Variants in GAS7 observed in about 807,000 individuals in gnomAD.
The protein encoded by GAS7 is growth arrest-specific protein 7.
Under a neutral mutation model 71.1 loss-of-function variants are expected in GAS7, and 28 were observed. The ratio of observed to expected loss-of-function variants is 0.39; its 90% CI spans 0.29 to 0.54. The LOEUF (loss-of-function observed/expected upper bound fraction) is 0.54. GAS7 is among the 20% of genes least tolerant of loss of function. The pLI is 0.62. For synonymous variants in GAS7, 258 were observed against 245.8 expected, an observed-to-expected ratio of 1.05 and a Z score of -0.46; for missense variants, 436 against 627.8, an observed-to-expected ratio of 0.69 and a Z score of 3.27.
Position 9,959,589 on chromosome 17 carries a change from G to A in GAS7, c.472-334C>T, listed in dbSNP as rs1471188323. 19 of 601,186 alleles carry A rather than the reference G, an allele frequency of 3.2e-5. No individual in the cohort carries two copies. The highest frequency in any genetic ancestry group is 5.3e-4 in the Middle Eastern group (1 of 1,892). The allele number at this position is 601,186 out of a possible 1,614,324, so 37.2% of individuals were successfully genotyped here. On this transcript the variant is annotated intron_variant, in intron 4 of 13. Coordinates refer to ENST00000432992, the MANE Select transcript of GAS7 (RefSeq NM_201433.2). The surrounding 1 kb of genome is among the most constrained non-coding windows in gnomAD (Gnocchi z 5.0). ...TCTGCTGGTGAACGTTCCGCGTGCC[G>A]CTTGCTGCCTGAAGCCGCGGAATCC... is the stretch of plus-strand genomic sequence containing the variant.
At chr17:10,057,787 G>T (rs1438696607) in intron 1 of GAS7, among the ~76,000 whole-genome samples, 1 of 152,264 alleles carries the variant, frequency 6.6e-6, no homozygotes, top group South Asian at 2.1e-4. Flanking sequence ...TGATGACGAT[G>T]GGGGTTTTGT....
At position 9,919,246 on chromosome 17, in the gene GAS7, A is replaced by G. The variant is rs1234487817; in HGVS notation, c.1218+380T>C. 6.6e-6 allele frequency among the ~76,000 whole-genome samples: 1 copy of G among 152,092 alleles called. No individual in the cohort carries two copies. The highest frequency in any genetic ancestry group is 1.5e-5 in the Non-Finnish European group (1 of 68,006). ...TCCACTTTGCAAGGATCTCCTACCA[A>G]GGACCTGCAACTCGTGTGTGTGCAT... On this transcript the variant is annotated intron_variant, in intron 12 of 13. Transcript: ENST00000432992. This position sits in a 1 kb window ranked among gnomAD's most constrained non-coding sequence, Gnocchi z 5.0.
intron 1 of GAS7, among the ~76,000 whole-genome samples, chr17:10,180,005 A>C (rs1356958004): frequency 6.6e-6 from 1 of 152,146 alleles, no homozygotes; most frequent in Non-Finnish European, 1.5e-5. Flanking sequence ...TAACTTTCAC[A>C]ACAATCCTCT....
rs2067544257 is a variant in GAS7 at position 9,914,989 on chromosome 17, G to C, written c.*2239C>G. On this transcript the variant is annotated 3_prime_UTR_variant, in exon 14 of 14. Transcript: ENST00000432992. The stretch of plus-strand genomic sequence containing the variant: ...TCCCTGACGACAGGGCCATTATAGT[G>C]TCCTCAGATTAGATCTTAGCACAAT... 4.3e-6 allele frequency: 1 copy of C among 232,240 alleles called. No individual in the cohort carries two copies. The highest frequency in any genetic ancestry group is 8.5e-6 in the Non-Finnish European group (1 of 117,530). The allele number at this position is 232,240 out of a possible 1,614,324, so 14.4% of individuals were successfully genotyped here. A position where few individuals can be genotyped will look rare whatever the true frequency, so the allele number is the denominator to read the frequency against.
At chr17:10,136,041 G>A (rs1247960972) in intron 1 of GAS7, among the ~76,000 whole-genome samples, 4 of 152,170 alleles carry the variant, frequency 2.6e-5, no homozygotes, top group South Asian at 2.1e-4. Context: ...ACCAAGGACC[G>A]TCTGAAGGGA....
intron 5 of GAS7, chr17:9,958,921 A>G (rs2069360778): frequency 1.5e-6 from 2 of 1,339,102 alleles, no homozygotes; most frequent in African/African-American, 1.5e-5. Flanking sequence ...TCCCGCACGC[A>G]TACCTTCCCC....
chr17:10,026,213 C>G lies in GAS7; in HGVS notation c.184-6316G>C. The G allele has an allele frequency of 1.0e-6, 1 of 985,358 alleles. No individual in the cohort carries two copies. The highest frequency in any genetic ancestry group is 1.2e-6 in the Non-Finnish European group (1 of 829,884). 61.0% of individuals were successfully genotyped at this position (985,358 alleles called of 1,614,324 possible). ...TTAATGGGTGGTCGTCAGACACTCG[C>G]TTTAGCAGCCAGATCAGACGGTTTT... is the stretch of plus-strand genomic sequence containing the variant. On this transcript the variant is annotated intron_variant, in intron 1 of 13. Transcript: ENST00000432992. The surrounding 1 kb of genome is among the most constrained non-coding windows in gnomAD (Gnocchi z 4.5).
At chr17:9,920,914 T>A (rs1442019914) in intron 11 of GAS7, among the ~76,000 whole-genome samples, 1 of 152,152 alleles carries the variant, frequency 6.6e-6, no homozygotes, top group African/African-American at 2.4e-5. Context: ...GGCTCATAGG[T>A]ACTCTGATAG....
intron 1 of GAS7, among the ~76,000 whole-genome samples, chr17:10,048,496 G>A (rs908069802): frequency 6.6e-6 from 1 of 152,110 alleles, no homozygotes; most frequent in Non-Finnish European, 1.5e-5. Context: ...GCTCTATCAC[G>A]GTGCATACAG....
intron 1 of GAS7, among the ~76,000 whole-genome samples, chr17:10,112,074 C>T (rs1399418970): frequency 6.6e-6 from 1 of 152,204 alleles, no homozygotes; most frequent in Non-Finnish European, 1.5e-5. Flanking sequence ...TAGAACATTG[C>T]CATCCTCAGA....
Position 9,969,719 on chromosome 17 carries a change from C to T in GAS7, c.429G>A (p.Glu143=). 1 of 1,613,204 alleles carries T rather than the reference C, an allele frequency of 6.2e-7. No homozygotes were observed. Among genetic ancestry groups the T allele is most frequent in the Non-Finnish European group, 8.5e-7 (1 of 1,179,128 alleles). Residue 143 remains glutamate, a synonymous_variant, in exon 4 of 14, where the codon GAG becomes GAA. Coordinates refer to ENST00000432992, the MANE Select transcript of GAS7 (RefSeq NM_201433.2). This position sits in a 1 kb window ranked among gnomAD's most constrained non-coding sequence, Gnocchi z 5.5. ...ATTTTCGGACACTCATGTGGGCAGT[C>T]TCTGGAGGGTGCGCTGGGGTCCCTG... ...HASGTPAHPP[E]TAHMSVRKST...
chr17:9,931,605 G>T (rs889759209), intron 9 of GAS7, among the ~76,000 whole-genome samples: 2 of 152,244 alleles, frequency 1.3e-5, no homozygotes, highest in African/African-American at 4.8e-5. Context: ...ATCTGCAGCT[G>T]AAAAATAACT....
chr17:10,175,137 C>T (rs541413874), intron 1 of GAS7, among the ~76,000 whole-genome samples: 43 of 152,014 alleles, frequency 2.8e-4, no homozygotes, highest in Non-Finnish European at 3.4e-4. Flanking sequence ...CGAGCCACCA[C>T]GCGCGGCCTG....
chr17:9,978,749 T>C (rs571187105), intron 3 of GAS7, among the ~76,000 whole-genome samples: 6 of 152,076 alleles, frequency 3.9e-5, no homozygotes, highest in Admixed American at 2.6e-4. Flanking sequence ...CAGGGGAAAA[T>C]GTATGTCTCA....
rs944658082 is a variant in GAS7, at chr17:9,969,551, A to T, written c.471+126T>A. On this transcript the variant is annotated intron_variant, in intron 4 of 13. Transcript: ENST00000432992. This position sits in a 1 kb window ranked among gnomAD's most constrained non-coding sequence, Gnocchi z 5.5. ...ACACTGAAACAACCCAGACACAGCA[A>T]CCACTTTCTACCTGGGGGCAGAACT... The T allele has an allele frequency of 1.5e-5, 10 of 645,434 alleles. No individual in the cohort carries two copies. The highest frequency in any genetic ancestry group is 1.3e-4 in the African/African-American group (7 of 55,070). 40.0% of individuals were successfully genotyped at this position (645,434 alleles called of 1,614,324 possible).
chr17:9,945,272 G>A (rs1268508440), intron 6 of GAS7, among the ~76,000 whole-genome samples: 1 of 151,744 alleles, frequency 6.6e-6, no homozygotes, highest in Non-Finnish European at 1.5e-5. Flanking sequence ...CCACTCACCC[G>A]TCAACTTCCC....
At chr17:9,976,711 A>C (rs2070220344) in intron 3 of GAS7, among the ~76,000 whole-genome samples, 1 of 152,210 alleles carries the variant, frequency 6.6e-6, no homozygotes, top group African/African-American at 2.4e-5. Flanking sequence ...CAGTGGGCTG[A>C]AGCCCCAAGG....
At chr17:9,977,149 T>C (rs1040925390) in intron 3 of GAS7, among the ~76,000 whole-genome samples, 29 of 152,262 alleles carry the variant, frequency 1.9e-4, no homozygotes, top group Non-Finnish European at 1.5e-4. Context: ...AGGAAGTTAC[T>C]GTCTTTATAG....
intron 1 of GAS7, among the ~76,000 whole-genome samples, chr17:10,186,881 C>T (rs143827110): frequency 6.6e-6 from 1 of 151,510 alleles, no homozygotes; most frequent in African/African-American, 2.4e-5. Context: ...GAACAAGATT[C>T]TGTCTCCAAA....
Sources: allele counts gnomAD v4.1 joint callset (sites outside exome capture counted in the v4.1 genomes callset), GRCh38; gene constraint gnomAD v4.1.1; non-coding constraint Gnocchi (gnomAD v3.1); transcripts MANE v1.5; gene names NCBI Gene and HGNC (gene_info 2026-07-23, HGNC 2026-07-21).